LAD1: variants seen among roughly 807,000 people sequenced by gnomAD.
LAD1 encodes the protein ladinin-1.
LAD1 carries 53 observed loss-of-function variants against 54.2 expected under a neutral mutation model. That is an observed-to-expected ratio of 0.98 (90% confidence interval 0.78 to 1.23). The LOEUF is 1.23. Ranked by LOEUF, LAD1 falls within the 50% of genes most tolerant of loss-of-function variation. The pLI is 0.00. For missense variants in LAD1, 637 were observed against 653.3 expected (o/e 0.98, Z 0.27); for synonymous variants, 231 against 257.7 (o/e 0.90, Z 0.99).
intron 2 of LAD1, among the ~76,000 whole-genome samples, 169 bp downstream of exon 2, chr1:201,388,991 G>A (rs906995532): frequency 1.3e-4 from 20 of 152,216 alleles, no homozygotes; most frequent in African/African-American, 4.6e-4. Context: ...TGAAGAGGAT[G>A]GAAGCTGGCA....
intron 7 of LAD1, 48 bp downstream of exon 7, chr1:201,383,026 C>T (rs566683482): frequency 5.3e-5 from 83 of 1,577,806 alleles, no homozygotes; most frequent in Middle Eastern, 2.0e-4. Flanking sequence ...GTTTTGGAGA[C>T]GTCAGGGCTA....
At chr1:201,382,423 C>T (rs1222127810) in intron 8 of LAD1, 97 bp from the exon 9 acceptor site, 6 of 1,041,910 alleles carry the variant, frequency 5.8e-6, no homozygotes, top group Non-Finnish European at 7.5e-6. Flanking sequence ...GATGTCCTTT[C>T]TCTTCCCAAA....
At chr1:201,391,421 T>C (rs1558272859) in intron 1 of LAD1, among the ~76,000 whole-genome samples, 1 of 151,918 alleles carries the variant, frequency 6.6e-6, no homozygotes, top group Admixed American at 6.6e-5. Context: ...ACCTACCACC[T>C]CCCACCAGCC....
intron 5 of LAD1, among the ~76,000 whole-genome samples, chr1:201,384,426 C>A (rs1448824928): frequency 6.6e-6 from 1 of 152,204 alleles, no homozygotes; most frequent in Non-Finnish European, 1.5e-5. Context: ...CCACAGCCCC[C>A]CAACCAGGCC....
At chr1:201,396,043 TG>T (rs1662282423) in intron 1 of LAD1, among the ~76,000 whole-genome samples, 1 of 40,914 alleles carries the variant, frequency 2.4e-5, no homozygotes, top group Non-Finnish European at 4.5e-5. Flanking sequence ...GGGCAAAGCC[TG>T]GGAGCCTGGG....
intron 1 of LAD1, among the ~76,000 whole-genome samples, chr1:201,392,202 C>T (rs11802175): frequency 0.037 from 5,688 of 152,324 alleles, 363 homozygotes; most frequent in African/African-American, 0.13. Context: ...TGAACCGCTC[C>T]GATTTTTTTC....
chr1:201,393,732 T>A, intron 1 of LAD1, among the ~76,000 whole-genome samples: 1 of 128,196 alleles, frequency 7.8e-6, no homozygotes. Flanking sequence ...GATGACAAAG[T>A]AAGACTCCAT....
In LAD1 at chr1:201,381,874, C is replaced by T; in HGVS notation, c.*14G>A. 6.2e-7 allele frequency: 1 copy of T among 1,613,994 alleles called. No homozygotes were observed. The highest frequency in any genetic ancestry group is 8.5e-7 in the Non-Finnish European group (1 of 1,179,912). The stretch of plus-strand genomic sequence containing the variant: ...TTGAGACGAAGACTTGCAGGTCTGT[C>T]TTGGCGGGGCTTGTCACACCTGTGG... On this transcript the variant is annotated 3_prime_UTR_variant, in exon 10 of 10. Coordinates refer to ENST00000391967, the MANE Select transcript of LAD1 (RefSeq NM_005558.4).
At chr1:201,383,232 C>T in intron 6 of LAD1, 21 bp from the exon 7 acceptor site, 2 of 1,614,008 alleles carry the variant, frequency 1.2e-6, no homozygotes, top group Non-Finnish European at 1.7e-6. Flanking sequence ...AGAACACCAA[C>T]AGCTGACCCA....
chr1:201,388,365 G>T (rs1662135372), intron 2 of LAD1, among the ~76,000 whole-genome samples: 1 of 144,604 alleles, frequency 6.9e-6, no homozygotes, highest in South Asian at 2.3e-4. Flanking sequence ...TCCAGCCGGG[G>T]TGACAGAGCA....
At chr1:201,389,905 TATTAAA>T (rs1002321068) in intron 1 of LAD1, among the ~76,000 whole-genome samples, 2 of 152,168 alleles carry the variant, frequency 1.3e-5, no homozygotes, top group Admixed American at 6.5e-5. Context: ...TGAGCTATAA[TATTAAA>T]ATTAATTTTG....
rs779417279 is a variant in LAD1, at chr1:201,382,727, G to A, written c.1399C>T (p.Leu467Phe). 3.4e-5 allele frequency: 55 copies of A among 1,603,274 alleles called. No homozygotes were observed. The highest frequency in any genetic ancestry group is 1.7e-4 in the Admixed American group (10 of 58,616). ...AGCCTTGATGTCACAACCCCTGAGA[G>A]CCTCAAGTTCTCCTAAAAAGAGAAC... Reference protein sequence around the residue: ...PASSRKENLRLSGVVTSRLNL... With the variant: ...PASSRKENLRFSGVVTSRLNL... The change falls in exon 8 of 10, where the codon CTC becomes TTC. Residue 467 changes from leucine to phenylalanine, a missense_variant. By Grantham distance (22) the Leu-to-Phe change is conservative. Transcript: ENST00000391967.
rs146507168 is a variant in LAD1 at position 201,381,679 on chromosome 1, G to T, written c.*209C>A. 1.3e-3 allele frequency: 821 copies of T among 648,578 alleles called. 16 individuals are homozygous for T. The East Asian group carries it at 0.022, about 18-fold the overall frequency. The allele number at this position is 648,578 out of a possible 1,614,324, so 40.2% of individuals were successfully genotyped here. ...ATCTGTTGTGCCTGCCGCAGGGTGAGAAAGTCCCAGCCCCAAGAGGCTGGG... is the reference window on the plus strand; with the variant it reads ...ATCTGTTGTGCCTGCCGCAGGGTGATAAAGTCCCAGCCCCAAGAGGCTGGG... On this transcript the variant is annotated 3_prime_UTR_variant, in exon 10 of 10. Transcript: ENST00000391967.
rs368122839 is a variant in LAD1 at position 201,386,340 on chromosome 1, G to A, written c.1021C>T (p.Leu341Phe). The A allele has an allele frequency of 3.4e-6, 5 of 1,463,730 alleles. No individual in the cohort carries two copies. In the African/African-American group the frequency reaches 4.3e-5, roughly 13 times the overall value. 90.7% of individuals were successfully genotyped at this position (1,463,730 alleles called of 1,614,324 possible). ...TVASRLPPVT[L>F]QVKIPSKEEE... ...AGGGACGGGACACTGCCAACCTGGA[G>A]TGTGACGGGTGGGAGGCGGGAGGCC... The change falls in exon 3 of 10, where the codon CTC (leucine) becomes TTC (phenylalanine). Residue 341 changes from leucine (L) to phenylalanine (F), a missense_variant. Leu to Phe is a conservative substitution (Grantham distance 22, BLOSUM62 0). Coordinates refer to ENST00000391967, the MANE Select transcript of LAD1 (RefSeq NM_005558.4).
rs1293966688 is a variant in LAD1 at position 201,385,767 on chromosome 1, G to A, written c.1065C>T (p.Ser355=). The A allele has an allele frequency of 2.5e-6, 4 of 1,614,022 alleles. No homozygotes were observed. The South Asian group carries it at 3.3e-5, about 13-fold the overall frequency. ...IPSKEEEADM[S]SPTQRTYSSS... Reference sequence around the variant, plus strand: ...TGCTGTAGGTTCGCTGTGTGGGTGAGGACATATCTGCCTCTTCCTCCTTGC... The same window carrying A: ...TGCTGTAGGTTCGCTGTGTGGGTGAAGACATATCTGCCTCTTCCTCCTTGC... The change falls in exon 4 of 10, where the codon TCC becomes TCT. Residue 355 remains serine (S), a synonymous_variant. Coordinates refer to ENST00000391967, the MANE Select transcript of LAD1 (RefSeq NM_005558.4).
In LAD1 at chr1:201,383,222, A is replaced by T; in HGVS notation, c.1249-11T>A. 1 of 1,613,862 alleles carries T rather than the reference A, an allele frequency of 6.2e-7. No individual in the cohort carries two copies. Among genetic ancestry groups the T allele is most frequent in the Non-Finnish European group, 8.5e-7 (1 of 1,179,800 alleles). ...GACAGATTCTGATCTCTGGGAACCA[A>T]GAACACCAACAGCTGACCCATGCTG... On this transcript the variant is annotated splice_polypyrimidine_tract_variant and intron_variant, in intron 6 of 9. Coordinates refer to ENST00000391967, the MANE Select transcript of LAD1 (RefSeq NM_005558.4).
At chr1:201,396,870 G>C (rs570288869) in intron 1 of LAD1, among the ~76,000 whole-genome samples, 11 of 152,290 alleles carry the variant, frequency 7.2e-5, no homozygotes, top group African/African-American at 2.6e-4. Context: ...TTGGAAGTAG[G>C]AGGGCGGCTC....
chr1:201,396,223 A>G (rs1662286557), intron 1 of LAD1, among the ~76,000 whole-genome samples: 1 of 151,270 alleles, frequency 6.6e-6, no homozygotes, highest in Non-Finnish European at 1.5e-5. Flanking sequence ...CCCTCTAGAC[A>G]ACCCTTTCCC....
intron 1 of LAD1, chr1:201,391,137 C>T: frequency 2.2e-6 from 1 of 456,680 alleles, no homozygotes; most frequent in Non-Finnish European, 4.4e-6. Context: ...TGGAGCCTCC[C>T]TCACCTTTCA....
Sources: gnomAD v4.1 joint callset for allele counts (sites outside exome capture counted in the v4.1 genomes callset) on GRCh38, gnomAD v4.1.1 for gene constraint, MANE v1.5 for transcripts, NCBI Gene and HGNC (gene_info 2026-07-23, HGNC 2026-07-21) for gene names.